The following PARD3 variants were observed in gnomAD, a reference collection of about 807,000 sequenced individuals.
The protein encoded by PARD3 is partitioning defective 3 homolog.
A neutral mutation model predicts 155.4 loss-of-function variants in PARD3; 75 were observed. The observed-to-expected ratio is 0.48, with a 90% CI of 0.40 to 0.58. The LOEUF is 0.58. PARD3 is among the 20% of genes least tolerant of loss of function. The pLI is 0.00. For synonymous variants in PARD3, 576 were observed against 610.5 expected, an observed-to-expected ratio of 0.94 and a Z score of 0.83; for missense variants, 1,642 against 1,721.7, an observed-to-expected ratio of 0.95 and a Z score of 0.82.
At chr10:34,214,287 G>C (rs1951895720) in intron 22 of PARD3, among the ~76,000 whole-genome samples, 1 of 152,126 alleles carries the variant, frequency 6.6e-6, no homozygotes, top group Admixed American at 6.5e-5. Flanking sequence ...GAGGCAGTGG[G>C]TGTTGCGATT....
intron 5 of PARD3, among the ~76,000 whole-genome samples, chr10:34,447,568 C>G (rs780956315): frequency 6.9e-6 from 1 of 145,560 alleles, no homozygotes; most frequent in African/African-American, 2.5e-5. Context: ...TTTGAAAGGC[C>G]GAGGCGGGCA....
chr10:34,521,545 A>AT (rs1309491620), intron 2 of PARD3, among the ~76,000 whole-genome samples: 4 of 152,124 alleles, frequency 2.6e-5, no homozygotes, highest in Middle Eastern at 3.2e-3. Context: ...TTGAATGTTC[A>AT]TTTTTTTCCT....
intron 2 of PARD3, among the ~76,000 whole-genome samples, chr10:34,673,238 C>T (rs1175260821): frequency 1.3e-5 from 2 of 152,154 alleles, no homozygotes; most frequent in African/African-American, 4.8e-5. Flanking sequence ...ATCTCTCTAT[C>T]TAGGGAGAGC....
At position 34,548,417 on chromosome 10, in the gene PARD3, T is replaced by C. The variant is rs2084278577; in HGVS notation, c.223-31258A>G. 3.3e-5 allele frequency among the ~76,000 whole-genome samples: 5 copies of C among 152,266 alleles called. No individual in the cohort carries two copies. In the South Asian group the frequency reaches 8.3e-4, roughly 25 times the overall value. ...AGGAGGTCGAGGCACAAGAATCACT[T>C]GAACCCAGGCAGCAGAGGTTGCAGT... is the stretch of plus-strand genomic sequence containing the variant. On this transcript the variant is annotated intron_variant, in intron 2 of 24. Transcript: ENST00000374788.
chr10:34,303,613 C>T lies in PARD3; in HGVS notation c.3065+13494G>A, dbSNP rs1402652969. The stretch of plus-strand genomic sequence containing the variant: ...AAAATCAGCTATAAGAGCAGGAATT[C>T]GATAAGATGTTTTTTTTTTTCCTCT... On this transcript the variant is annotated intron_variant, in intron 20 of 24. Transcript: ENST00000374788. 1.1e-4 allele frequency among the ~76,000 whole-genome samples: 16 copies of T among 149,808 alleles called. No homozygotes were observed. In the East Asian group the frequency reaches 1.4e-3, roughly 13 times the overall value.
In PARD3 at chr10:34,470,146, G is replaced by C; in HGVS notation, c.521C>G (p.Ser174Ter). The change falls in exon 4 of 25, where the codon TCA becomes TGA. Residue 174 changes from serine to a stop codon, truncating the protein, a stop_gained. Coordinates refer to ENST00000374788, the MANE Select transcript of PARD3 (RefSeq NM_001184785.2). LOFTEE classifies it high-confidence loss of function. ...CTGCTTGAGGAAGCCAGCTGTTGTT[G>C]ACCAGCGTGTGGGATTTTTCCTTGA... ...EPSRKNPTRW[S>*]TTAGFLKQNT... 6.2e-7 allele frequency: 1 copy of C among 1,613,460 alleles called. No individual in the cohort carries two copies. Among genetic ancestry groups the C allele is most frequent in the South Asian group, 1.1e-5 (1 of 90,806 alleles).
intron 22 of PARD3, among the ~76,000 whole-genome samples, chr10:34,233,454 AAT>A (rs1422901874): frequency 1.3e-5 from 2 of 151,908 alleles, no homozygotes; most frequent in Non-Finnish European, 1.5e-5. Flanking sequence ...CATGGTTTTA[AAT>A]ACCATCTGCA....
chr10:34,177,357 T>C lies in PARD3; in HGVS notation c.3420-45774A>G, dbSNP rs151170721. 4.6e-3 allele frequency among the ~76,000 whole-genome samples: 697 copies of C among 152,178 alleles called. 11 individuals carry two copies. The highest frequency in any genetic ancestry group is 0.043 in the East Asian group (221 of 5,162). On this transcript the variant is annotated intron_variant, in intron 22 of 24. Coordinates refer to ENST00000374788, the MANE Select transcript of PARD3 (RefSeq NM_001184785.2). The stretch of plus-strand genomic sequence containing the variant: ...GCTCCTGTGCTATTATTTTTTTCCA[T>C]TGGGAGCAAAACTCTTTCAGAGCTT...
chr10:34,361,944 A>G (rs891224732), intron 12 of PARD3, among the ~76,000 whole-genome samples: 2 of 152,232 alleles, frequency 1.3e-5, no homozygotes, highest in Non-Finnish European at 2.9e-5. Flanking sequence ...ATCAAAGTCC[A>G]AATAAAGCCT....
At chr10:34,536,201 A>G (rs2083215883) in intron 2 of PARD3, among the ~76,000 whole-genome samples, 3 of 152,180 alleles carry the variant, frequency 2.0e-5, no homozygotes, top group Admixed American at 2.0e-4. Flanking sequence ...ACTTCAGTAT[A>G]ACAAAAAAAA....
chr10:34,404,832 C>G (rs1461736374), intron 5 of PARD3, among the ~76,000 whole-genome samples: 1 of 152,038 alleles, frequency 6.6e-6, no homozygotes, highest in Non-Finnish European at 1.5e-5. Context: ...CACCTGTAAC[C>G]ACAGCACTTT....
chr10:34,124,552 A>G (rs1027391237), intron 23 of PARD3, among the ~76,000 whole-genome samples: 4 of 152,290 alleles, frequency 2.6e-5, no homozygotes, highest in Admixed American at 2.6e-4. Flanking sequence ...TTGTCTACCC[A>G]TCGTGCCTTC....
intron 2 of PARD3, among the ~76,000 whole-genome samples, chr10:34,517,598 T>C (rs562376843): frequency 6.6e-6 from 1 of 152,294 alleles, no homozygotes; most frequent in East Asian, 1.9e-4. Flanking sequence ...ATGTATCTTC[T>C]CATTTGTGCA....
intron 2 of PARD3, among the ~76,000 whole-genome samples, chr10:34,685,325 A>C (rs2093935846): frequency 1.3e-5 from 2 of 152,172 alleles, no homozygotes; most frequent in African/African-American, 4.8e-5. Flanking sequence ...ATATTTCCCC[A>C]AGATGGAAAG....
At chr10:34,784,684 G>A (rs1313408125) in intron 1 of PARD3, among the ~76,000 whole-genome samples, 8 of 152,184 alleles carry the variant, frequency 5.3e-5, no homozygotes, top group East Asian at 3.9e-4. Context: ...CGATCCGCCC[G>A]CCTCAGCCTC....
At chr10:34,374,210 T>G (rs920934127) in intron 11 of PARD3, among the ~76,000 whole-genome samples, 1 of 152,156 alleles carries the variant, frequency 6.6e-6, no homozygotes, top group African/African-American at 2.4e-5. Context: ...TTTAAGACAC[T>G]TATTTCATTC....
intron 22 of PARD3, among the ~76,000 whole-genome samples, chr10:34,162,963 T>A (rs1949355736): frequency 1.3e-5 from 2 of 152,170 alleles, no homozygotes; most frequent in South Asian, 4.1e-4. Flanking sequence ...GGGCTGGACA[T>A]GGTTCAAAAA....
chr10:34,684,552 C>T (rs528177949), intron 2 of PARD3, among the ~76,000 whole-genome samples: 3 of 152,144 alleles, frequency 2.0e-5, no homozygotes, highest in South Asian at 2.1e-4. Flanking sequence ...CCAGCCCAAT[C>T]GCCATCAATT....
chr10:34,390,106 GT>G (rs1053062007), intron 7 of PARD3, among the ~76,000 whole-genome samples: 16 of 152,018 alleles, frequency 1.1e-4, no homozygotes, highest in African/African-American at 3.6e-4. Context: ...GTTAAATTGC[GT>G]TTTTTTCAAA....
Sources: allele counts gnomAD v4.1 joint callset (sites outside exome capture counted in the v4.1 genomes callset), GRCh38; gene constraint gnomAD v4.1.1; transcripts MANE v1.5; gene names NCBI Gene and HGNC (gene_info 2026-07-23, HGNC 2026-07-21).